The following MLIP variants were observed in gnomAD, a reference collection of about 807,000 sequenced individuals.
MLIP encodes muscular LMNA-interacting protein.
MLIP carries 79 observed loss-of-function variants against 84.8 expected under a neutral mutation model. The observed-to-expected ratio is 0.93, with a 90% CI of 0.78 to 1.12. MLIP has a LOEUF of 1.12. Ranked by LOEUF, MLIP falls within the 50% of genes most tolerant of loss-of-function variation. The pLI is 0.00. For missense variants in MLIP, 1,257 were observed against 1,160.6 expected (o/e 1.08, Z -1.21); for synonymous variants, 504 against 463.0 (o/e 1.09, Z -1.14).
intron 1 of MLIP, among the ~76,000 whole-genome samples, chr6:54,041,495 C>T (rs566179690): frequency 1.3e-5 from 2 of 152,018 alleles, no homozygotes; most frequent in South Asian, 4.1e-4. Flanking sequence ...CAGAAAACTG[C>T]CAAACTGTTT....
At chr6:54,169,178 G>A (rs1775512763) in intron 8 of MLIP, among the ~76,000 whole-genome samples, 1 of 151,602 alleles carries the variant, frequency 6.6e-6, no homozygotes, top group Non-Finnish European at 1.5e-5. Context: ...TGGAGTAGAT[G>A]AGAACATCTT....
chr6:54,215,567 TAATC>T lies in MLIP; in HGVS notation c.2718+13338_2718+13341del, dbSNP rs1017283909. The T allele has an allele frequency of 1.3e-5, 3 of 233,426 alleles. No homozygotes were observed. The Admixed American group carries it at 1.8e-4, about 14-fold the overall frequency. The allele number at this position is 233,426 out of a possible 1,614,324, so 14.5% of individuals were successfully genotyped here. A position where few individuals can be genotyped will look rare whatever the true frequency, so the allele number is the denominator to read the frequency against. ...TGTATAATGATTACCACAGTTAAAT[TAATC>T]AATGTAACTATTAATGTACTAGTTA... On this transcript the variant is annotated intron_variant, in intron 11 of 13. Transcript: ENST00000502396.
intron 1 of MLIP, among the ~76,000 whole-genome samples, chr6:54,081,584 TG>T (rs1767154798): frequency 6.6e-6 from 1 of 152,140 alleles, no homozygotes; most frequent in African/African-American, 2.4e-5. Flanking sequence ...AAATTTTTTT[TG>T]TATTTTTAGT....
rs1260427432 is a variant in MLIP, at chr6:54,210,326, A to T, written c.2718+8093A>T. Among the ~76,000 whole-genome samples the T allele has an allele frequency of 2.0e-5, 3 of 151,788 alleles. No individual in the cohort carries two copies. In the East Asian group the frequency reaches 5.8e-4, roughly 29 times the overall value. ...ATGTTAAAGCAAGTGTGGTTTATTT[A>T]TGGCATGAACCATGTAACTTGAAAT... On this transcript the variant is annotated intron_variant, in intron 11 of 13. Transcript: ENST00000502396.
intron 4 of MLIP, among the ~76,000 whole-genome samples, chr6:54,145,618 A>T (rs1038825950): frequency 3.8e-5 from 5 of 130,026 alleles, no homozygotes; most frequent in Admixed American, 8.4e-5. Context: ...CAAAAAAAAT[A>T]AAAAAAAATT....
chr6:54,077,309 C>T (rs1288166300), intron 1 of MLIP, among the ~76,000 whole-genome samples: 1 of 151,784 alleles, frequency 6.6e-6, no homozygotes, highest in Non-Finnish European at 1.5e-5. Context: ...AACTACCCAA[C>T]CCTGCTTTTG....
At chr6:54,223,999 T>C (rs916762345) in intron 11 of MLIP, among the ~76,000 whole-genome samples, 1 of 152,000 alleles carries the variant, frequency 6.6e-6, no homozygotes, top group African/African-American at 2.4e-5. Flanking sequence ...AAGTAAGCAT[T>C]CAATTTGGAA....
At chr6:54,093,586 A>T (rs639665) in intron 1 of MLIP, among the ~76,000 whole-genome samples, 100,561 of 151,922 alleles carry the variant, frequency 0.66, 35,608 homozygotes, top group Non-Finnish European at 0.8. Context: ...TTAAAACACA[A>T]GTGGAATTTC....
At chr6:54,092,924 A>T (rs995183849) in intron 1 of MLIP, among the ~76,000 whole-genome samples, 1 of 151,546 alleles carries the variant, frequency 6.6e-6, no homozygotes, top group African/African-American at 2.4e-5. Flanking sequence ...CCCAGGCTGG[A>T]GTGGTGCAGT....
chr6:54,141,709 T>A (rs1183318730), intron 4 of MLIP, among the ~76,000 whole-genome samples: 1 of 152,192 alleles, frequency 6.6e-6, no homozygotes, highest in African/African-American at 2.4e-5. Context: ...GTCCCCAATC[T>A]GTTCTGCCTT....
In MLIP at chr6:54,160,498, T is replaced by A; in HGVS notation, c.2356-18T>A. ...CAAAACTTATTGCTAACCCAGTACC[T>A]GGTTTCAATTCTTCCAGCTCTATTT... is the stretch of plus-strand genomic sequence containing the variant. On this transcript the variant is annotated intron_variant, in intron 6 of 13. Coordinates refer to ENST00000502396, the MANE Select transcript of MLIP (RefSeq NM_001281747.2). The A allele has an allele frequency of 6.2e-7, 1 of 1,611,794 alleles. No individual in the cohort carries two copies. The highest frequency in any genetic ancestry group is 8.5e-7 in the Non-Finnish European group (1 of 1,178,644).
At chr6:54,207,338 A>G (rs1779101283) in intron 11 of MLIP, among the ~76,000 whole-genome samples, 1 of 150,630 alleles carries the variant, frequency 6.6e-6, no homozygotes, top group African/African-American at 2.4e-5. Context: ...TTGAGACAAT[A>G]TTTGCCTTTT....
chr6:54,102,073 T>C (rs1768694242), intron 1 of MLIP, among the ~76,000 whole-genome samples: 1 of 152,104 alleles, frequency 6.6e-6, no homozygotes, highest in African/African-American at 2.4e-5. Flanking sequence ...AATGTATATC[T>C]CTAAAGTAAG....
intron 1 of MLIP, among the ~76,000 whole-genome samples, chr6:54,022,705 T>C (rs1763563706): frequency 6.6e-6 from 1 of 152,110 alleles, no homozygotes; most frequent in African/African-American, 2.4e-5. Context: ...ATTACTATAG[T>C]AAAAATGATC....
intron 11 of MLIP, among the ~76,000 whole-genome samples, chr6:54,229,731 T>C (rs1359125759): frequency 1.3e-5 from 2 of 152,216 alleles, no homozygotes; most frequent in Admixed American, 1.3e-4. Context: ...TAGTATTCCA[T>C]GGTGTATATG....
At chr6:54,197,640 G>T (rs192754948) in intron 10 of MLIP, among the ~76,000 whole-genome samples, 63 of 152,092 alleles carry the variant, frequency 4.1e-4, no homozygotes, top group African/African-American at 1.4e-3. Flanking sequence ...TTCCACATAG[G>T]CTGGAAAGAA....
intron 1 of MLIP, among the ~76,000 whole-genome samples, chr6:54,061,561 G>C (rs1765966518): frequency 6.6e-6 from 1 of 152,096 alleles, no homozygotes; most frequent in Non-Finnish European, 1.5e-5. Flanking sequence ...CAGGCAGCAG[G>C]CTCTGATCTT....
intron 1 of MLIP, among the ~76,000 whole-genome samples, chr6:54,096,003 A>C (rs1768186381): frequency 6.6e-6 from 1 of 152,126 alleles, no homozygotes; most frequent in African/African-American, 2.4e-5. Flanking sequence ...GCGATGTATG[A>C]AGTAAAGTAA....
intron 1 of MLIP, among the ~76,000 whole-genome samples, chr6:54,033,143 A>G (rs1764232824): frequency 6.6e-6 from 1 of 152,152 alleles, no homozygotes; most frequent in Non-Finnish European, 1.5e-5. Flanking sequence ...CCTGATGATG[A>G]TCATGATATA....
Sources: gnomAD v4.1 joint callset for allele counts (sites outside exome capture counted in the v4.1 genomes callset) on GRCh38, gnomAD v4.1.1 for gene constraint, MANE v1.5 for transcripts, NCBI Gene and HGNC (gene_info 2026-07-23, HGNC 2026-07-21) for gene names.